EPB41L5: variants seen among roughly 807,000 people sequenced by gnomAD.
EPB41L5 encodes erythrocyte membrane protein band 4.1 like 5.
In EPB41L5, 55 loss-of-function variants were observed where a neutral mutation model predicts 106.6. The observed-to-expected ratio is 0.52, with a 90% CI of 0.42 to 0.65. The LOEUF (loss-of-function observed/expected upper bound fraction) is 0.65, where lower values mean the gene tolerates loss of function less well. EPB41L5 is among the 30% of genes least tolerant of loss of function. EPB41L5 has a pLI of 0.00. For synonymous variants in EPB41L5, 297 were observed against 306.7 expected (o/e 0.97, Z 0.33); for missense variants, 871 against 882.1 (o/e 0.99, Z 0.16).
chr2:120,113,668 A>G (rs1391850958), intron 16 of EPB41L5, among the ~76,000 whole-genome samples: 1 of 152,208 alleles, frequency 6.6e-6, no homozygotes, highest in Non-Finnish European at 1.5e-5. Context: ...GTTACTATCA[A>G]TTATTCCTTC....
At chr2:120,119,540 A>G (rs969261770) in intron 16 of EPB41L5, among the ~76,000 whole-genome samples, 2 of 152,136 alleles carry the variant, frequency 1.3e-5, no homozygotes, top group African/African-American at 4.8e-5. Flanking sequence ...TATATGGTAT[A>G]AGGAAGGGGT....
At chr2:120,065,627 A>T (rs1443867852) in intron 3 of EPB41L5, among the ~76,000 whole-genome samples, 1 of 149,784 alleles carries the variant, frequency 6.7e-6, no homozygotes, top group Non-Finnish European at 1.5e-5. Flanking sequence ...AGCGACTCTC[A>T]TGCCTCAGCC....
chr2:120,132,551 A>T (rs1294020813), intron 18 of EPB41L5, among the ~76,000 whole-genome samples: 1 of 152,194 alleles, frequency 6.6e-6, no homozygotes, highest in African/African-American at 2.4e-5. Context: ...TTATGATTCA[A>T]ACTGTCTTTC....
At chr2:120,104,512 T>C in intron 16 of EPB41L5, 1 of 1,098,242 alleles carries the variant, frequency 9.1e-7, no homozygotes, top group Non-Finnish European at 1.1e-6. Context: ...CTTAGTATGT[T>C]CACACATCAC....
chr2:120,096,765 G>A lies in EPB41L5; in HGVS notation c.1179-3479G>A, dbSNP rs117750023. 2.5e-3 allele frequency among the ~76,000 whole-genome samples: 387 copies of A among 152,244 alleles called. 11 individuals carry two copies. In the East Asian group the frequency reaches 0.059, roughly 23 times the overall value. ...AGACTGCGCCACTGCACTCTAGCCC[G>A]GGTGATAGAGCAAGACTCCATCTCA... On this transcript the variant is annotated intron_variant, in intron 14 of 24. Transcript: ENST00000263713.
At chr2:120,077,357 T>G (rs376736190) in intron 9 of EPB41L5, 41 bp downstream of exon 9, 92 of 1,566,782 alleles carry the variant, frequency 5.9e-5, no homozygotes, top group Non-Finnish European at 7.5e-5. Flanking sequence ...AATTTATTCT[T>G]TGGAGGTTCG....
intron 8 of EPB41L5, 41 bp downstream of exon 8, chr2:120,077,132 A>G (rs768869763): frequency 3.1e-6 from 5 of 1,598,782 alleles, no homozygotes; most frequent in Non-Finnish European, 4.3e-6. Context: ...AATCACCACA[A>G]CAGTTATTTC....
In EPB41L5 at chr2:120,074,021, T is replaced by A; in HGVS notation, c.329-79T>A. On this transcript the variant is annotated intron_variant, in intron 4 of 24. Transcript: ENST00000263713. Reference sequence around the variant, plus strand: ...TCATCTTTTGTCTCACTTCAGTAGATTTTTGACCAGTTTTCTGGCTGAAAA... The same window carrying A: ...TCATCTTTTGTCTCACTTCAGTAGAATTTTGACCAGTTTTCTGGCTGAAAA... The A allele has an allele frequency of 3.6e-6, 4 of 1,111,602 alleles. No individual in the cohort carries two copies. The South Asian group carries it at 6.0e-5, about 17-fold the overall frequency. 68.9% of individuals were successfully genotyped at this position (1,111,602 alleles called of 1,614,324 possible).
chr2:120,110,025 T>C (rs1281129913), intron 16 of EPB41L5, among the ~76,000 whole-genome samples: 1 of 152,232 alleles, frequency 6.6e-6, no homozygotes, highest in Non-Finnish European at 1.5e-5. Context: ...TTTTGCAAAT[T>C]GGATGTGTCT....
chr2:120,089,305 C>G (rs1683257832), intron 11 of EPB41L5, among the ~76,000 whole-genome samples: 1 of 151,966 alleles, frequency 6.6e-6, no homozygotes, highest in African/African-American at 2.4e-5. Context: ...ATAAATAATA[C>G]CAACTAAAGT....
At chr2:120,123,631 G>A (rs779156740) in intron 16 of EPB41L5, among the ~76,000 whole-genome samples, 9 of 150,478 alleles carry the variant, frequency 6.0e-5, no homozygotes, top group Non-Finnish European at 1.3e-4. Context: ...GAATGGGGAT[G>A]GGGAGTGTTC....
At chr2:120,105,461 G>C in intron 16 of EPB41L5, 1 of 985,342 alleles carries the variant, frequency 1.0e-6, no homozygotes, top group Non-Finnish European at 1.2e-6. Flanking sequence ...GCCAGACAAA[G>C]ATTAAGGTTT....
At chr2:120,013,372 G>C (rs1031828924) in intron 1 of EPB41L5, 162 bp downstream of exon 1, 1 of 152,106 alleles carries the variant, frequency 6.6e-6, no homozygotes, top group Non-Finnish European at 1.5e-5. Flanking sequence ...TCGTCGGGCC[G>C]GCAGGGCATT....
intron 14 of EPB41L5, among the ~76,000 whole-genome samples, chr2:120,095,404 G>A (rs957512575): frequency 5.3e-5 from 8 of 151,308 alleles, no homozygotes; most frequent in Non-Finnish European, 8.8e-5. Flanking sequence ...TCTTTATGCT[G>A]TCTTTCTCTT....
chr2:120,164,211 T>TA (rs1232139638), intron 21 of EPB41L5, among the ~76,000 whole-genome samples: 1 of 151,934 alleles, frequency 6.6e-6, no homozygotes, highest in Non-Finnish European at 1.5e-5. Flanking sequence ...CCGGCTGTAT[T>TA]TACTTTTTTA....
At chr2:120,167,584 T>C (rs1297365362) in intron 23 of EPB41L5, 77 bp downstream of exon 23, 1 of 1,459,932 alleles carries the variant, frequency 6.8e-7, no homozygotes, top group Non-Finnish European at 9.5e-7. Flanking sequence ...AGGTTCTTTG[T>C]TTTTCCTTAA....
At chr2:120,055,053 A>G (rs751372552) in intron 3 of EPB41L5, among the ~76,000 whole-genome samples, 3 of 151,710 alleles carry the variant, frequency 2.0e-5, no homozygotes, top group Non-Finnish European at 2.9e-5. Context: ...TTTAGCAGAG[A>G]TGGGGTTTGT....
At chr2:120,099,038 T>G (rs1040074910) in intron 14 of EPB41L5, among the ~76,000 whole-genome samples, 4 of 152,256 alleles carry the variant, frequency 2.6e-5, no homozygotes, top group Non-Finnish European at 4.4e-5. Context: ...AAGTATTCTT[T>G]CCTTATCCTT....
intron 3 of EPB41L5, among the ~76,000 whole-genome samples, chr2:120,054,335 T>C (rs995760714): frequency 5.3e-5 from 8 of 152,174 alleles, no homozygotes; most frequent in African/African-American, 1.4e-4. Flanking sequence ...TCTGCAAACT[T>C]TTTTCCCCTA....
Sources: allele counts gnomAD v4.1 joint callset (sites outside exome capture counted in the v4.1 genomes callset), GRCh38; gene constraint gnomAD v4.1.1; transcripts MANE v1.5; gene names NCBI Gene and HGNC (gene_info 2026-07-23, HGNC 2026-07-21).